Variants in EXTL3 observed in about 807,000 individuals in gnomAD.
EXTL3 encodes the protein exostosin-like 3.
EXTL3 carries 27 observed loss-of-function variants against 69.3 expected under a neutral mutation model. That is an observed-to-expected ratio of 0.39 (90% confidence interval 0.29 to 0.54). The LOEUF (loss-of-function observed/expected upper bound fraction) is 0.54, where lower values mean the gene tolerates loss of function less well. Among genes scored for constraint, EXTL3 ranks in the 20% least tolerant of loss-of-function variants. The pLI is 0.69. For missense variants in EXTL3, 1,003 were observed against 1,231.8 expected, an observed-to-expected ratio of 0.81 and a Z score of 2.78; for synonymous variants, 511 against 499.4, an observed-to-expected ratio of 1.02 and a Z score of -0.31.
intron 1 of EXTL3, among the ~76,000 whole-genome samples, chr8:28,690,451 G>GT (rs1454407786): frequency 2.0e-5 from 3 of 152,146 alleles, no homozygotes; most frequent in South Asian, 2.1e-4. Flanking sequence ...TTAGCTGGGT[G>GT]TTTTTTCTGG....
chr8:28,642,954 CA>C (rs5890427), intron 1 of EXTL3, among the ~76,000 whole-genome samples: 152,234 of 152,246 alleles, frequency 1, 76,111 homozygotes, highest in Non-Finnish European at 1. Flanking sequence ...GAAATAATAA[CA>C]ACGGTGGGCC....
At chr8:28,715,547 A>G (rs1801125615) in intron 2 of EXTL3, 38 bp from the exon 3 acceptor site, 1 of 156,646 alleles carries the variant, frequency 6.4e-6, no homozygotes, top group African/African-American at 2.4e-5. Flanking sequence ...GTTGAACATA[A>G]CTTCTTCAAG....
upstream of EXTL3, chr8:28,698,384 G>C (rs1800717941): frequency 6.6e-6 from 1 of 152,214 alleles, no homozygotes; most frequent in African/African-American, 2.4e-5. Flanking sequence ...AAGATTTGCA[G>C]TCCCGTGTCC....
At position 28,647,912 on chromosome 8, in the gene EXTL3, T is replaced by G. The variant is rs529899032; in HGVS notation, c.-53+25102T>G. ...AGAAGGAGAAGTCGGGGTGCAGCCT[T>G]GGGGGGCACTAGATGGGTTGGGGGT... On this transcript the variant is annotated intron_variant, in intron 1 of 6. Transcript: ENST00000523149. 2.7e-4 allele frequency among the ~76,000 whole-genome samples: 12 copies of G among 44,770 alleles called. No individual in the cohort carries two copies. The South Asian group carries it at 7.0e-3, about 26-fold the overall frequency. 29.4% of individuals were successfully genotyped at this position (44,770 alleles called of 152,430 possible).
intron 1 of EXTL3, among the ~76,000 whole-genome samples, chr8:28,671,308 TG>T (rs1390866437): frequency 2.2e-4 from 31 of 141,940 alleles, no homozygotes; most frequent in African/African-American, 5.7e-4. Context: ...TTTTGTTTTT[TG>T]TTTTTTTTTT....
intron 1 of EXTL3, among the ~76,000 whole-genome samples, chr8:28,641,212 A>T (rs1303235085): frequency 6.6e-6 from 1 of 152,148 alleles, no homozygotes; most frequent in Admixed American, 6.6e-5. Context: ...TGCCATCTGG[A>T]TTTGATGATC....
chr8:28,697,071 T>G (rs1394160134), upstream of EXTL3: 1 of 152,260 alleles, frequency 6.6e-6, no homozygotes, highest in Non-Finnish European at 1.5e-5. Flanking sequence ...AATACTGTTA[T>G]GCTTTTTTTA....
intron 1 of EXTL3, among the ~76,000 whole-genome samples, chr8:28,663,414 G>A (rs1807146843): frequency 6.6e-6 from 1 of 152,146 alleles, no homozygotes; most frequent in African/African-American, 2.4e-5. Flanking sequence ...CCCTTGTACT[G>A]AAGAGGAAGT....
chr8:28,616,600 C>G (rs1393941116), intron 2 of EXTL3, among the ~76,000 whole-genome samples: 14 of 151,608 alleles, frequency 9.2e-5, no homozygotes. Context: ...GCACTCCAGC[C>G]TGGGCGACAG....
At chr8:28,653,633 A>G (rs1806960937) in intron 1 of EXTL3, among the ~76,000 whole-genome samples, 1 of 152,128 alleles carries the variant, frequency 6.6e-6, no homozygotes, top group Non-Finnish European at 1.5e-5. Flanking sequence ...TCTTTTTCCC[A>G]TTGAGTGGCC....
At chr8:28,640,395 T>C (rs972315487) in intron 1 of EXTL3, among the ~76,000 whole-genome samples, 1 of 152,176 alleles carries the variant, frequency 6.6e-6, no homozygotes, top group Non-Finnish European at 1.5e-5. Flanking sequence ...GTTTGAGAAT[T>C]GAAAAGATCT....
At chr8:28,703,832 A>G (rs985454129) in intron 1 of EXTL3, among the ~76,000 whole-genome samples, 1 of 152,228 alleles carries the variant, frequency 6.6e-6, no homozygotes, top group African/African-American at 2.4e-5. Flanking sequence ...TTCTATTAAC[A>G]TATTTCTATT....
At position 28,630,681 on chromosome 8, in the gene EXTL3, G is replaced by A. The variant is rs143169445; in HGVS notation, c.-53+7871G>A. 8.4e-3 allele frequency among the ~76,000 whole-genome samples: 1,278 copies of A among 152,338 alleles called. 16 individuals carry two copies. Among genetic ancestry groups the A allele is most frequent in the African/African-American group, 0.029 (1,200 of 41,570 alleles). ...TGTTTTCATTCAGCACTTTTACTGA[G>A]TGCCACGTTAGTGGCAATACTGTGT... On this transcript the variant is annotated intron_variant, in intron 1 of 6. Transcript: ENST00000523149.
At chr8:28,696,242 TAGAAA>T (rs1301365802) in intron 1 of EXTL3, 1 of 152,128 alleles carries the variant, frequency 6.6e-6, no homozygotes, top group African/African-American at 2.4e-5. Context: ...GACATACATA[TAGAAA>T]AGAAGATGTA....
In EXTL3 at chr8:28,675,178, T is replaced by A. The variant is rs144548495; in HGVS notation, c.-52-38279T>A. ...CCTGGGAGAGGCACCAAACAGTCCA[T>A]CCAGAGGCCAAACTCCTCAGCTGAG... On this transcript the variant is annotated intron_variant, in intron 1 of 6. Transcript: ENST00000523149. Among the ~76,000 whole-genome samples, 3 of 152,214 alleles carry A rather than the reference T, an allele frequency of 2.0e-5. No homozygotes were observed. The East Asian group carries it at 5.8e-4, about 29-fold the overall frequency.
chr8:28,741,665 G>C (rs181338989), intron 5 of EXTL3: 3 of 151,886 alleles, frequency 2.0e-5, no homozygotes, highest in African/African-American at 7.3e-5. Flanking sequence ...TGTTGCCCAG[G>C]CTGGCCTTGA....
In EXTL3 at chr8:28,743,225, A is replaced by G. The variant is rs199545704; in HGVS notation, c.2550+11A>G. On this transcript the variant is annotated intron_variant, in intron 6 of 6. Transcript: ENST00000220562. ...AAGCCCCCCATCAAGGTGAGGTCCC[A>G]CCACTGGTGGGGCTGTGGATGCGTG... 6.8e-5 allele frequency: 109 copies of G among 1,614,020 alleles called. No individual in the cohort carries two copies. The highest frequency in any genetic ancestry group is 8.0e-5 in the Non-Finnish European group (94 of 1,179,998).
In EXTL3 at chr8:28,750,905, A is replaced by T. The variant is rs1563227680; in HGVS notation, c.*39A>T. The T allele has an allele frequency of 6.3e-7, 1 of 1,577,458 alleles. No homozygotes were observed. The highest frequency in any genetic ancestry group is 1.1e-5 in the South Asian group (1 of 90,396). On this transcript the variant is annotated 3_prime_UTR_variant, in exon 7 of 7. Transcript: ENST00000220562. This position sits in a 1 kb window ranked among gnomAD's most constrained non-coding sequence, Gnocchi z 5.2. ...TCTGGGGAAGAGGATGAGCAGAGGG[A>T]GGAAGATGGCTCCCAAGGTTCCTAG...
At chr8:28,664,988 T>A (rs1022379280) in intron 1 of EXTL3, among the ~76,000 whole-genome samples, 1 of 151,928 alleles carries the variant, frequency 6.6e-6, no homozygotes. Context: ...TACCTGACTC[T>A]ATCACCCTTG....
Sources: gnomAD v4.1 joint callset for allele counts (sites outside exome capture counted in the v4.1 genomes callset) on GRCh38, gnomAD v4.1.1 for gene constraint, Gnocchi (gnomAD v3.1) non-coding constraint, MANE v1.5 for transcripts, NCBI Gene and HGNC (gene_info 2026-07-23, HGNC 2026-07-21) for gene names.